LARGE1: variants seen among roughly 807,000 people sequenced by gnomAD.
LARGE1 encodes the protein xylosyl- and glucuronyltransferase LARGE1.
A neutral mutation model predicts 87.6 loss-of-function variants in LARGE1; 43 were observed. The observed-to-expected ratio is 0.49, with a 90% CI of 0.38 to 0.63. The LOEUF (loss-of-function observed/expected upper bound fraction) is 0.63, where lower values mean the gene tolerates loss of function less well. Among genes scored for constraint, LARGE1 ranks in the 30% least tolerant of loss-of-function variants. The pLI is 0.00. For synonymous variants in LARGE1, 434 were observed against 394.6 expected (o/e 1.10, Z -1.18); for missense variants, 802 against 1,000.2 (o/e 0.80, Z 2.67).
chr22:33,656,150 C>G (rs1043404448), intron 2 of LARGE1, among the ~76,000 whole-genome samples: 1 of 151,954 alleles, frequency 6.6e-6, no homozygotes, highest in Admixed American at 6.6e-5. Flanking sequence ...TCAATTTTCA[C>G]GCTGCTGATA....
chr22:33,364,412 C>G (rs986977657), intron 9 of LARGE1, among the ~76,000 whole-genome samples: 1 of 152,108 alleles, frequency 6.6e-6, no homozygotes, highest in Non-Finnish European at 1.5e-5. Context: ...AATCCCGTTC[C>G]GCGTTTACGA....
intron 1 of LARGE1, among the ~76,000 whole-genome samples, chr22:33,852,743 C>A (rs898920259): frequency 2.7e-5 from 4 of 150,134 alleles, no homozygotes; most frequent in African/African-American, 9.8e-5. Context: ...GTAGTCCCAG[C>A]TACTTGGGAG....
At chr22:33,459,166 CT>C (rs2068261129) in intron 6 of LARGE1, among the ~76,000 whole-genome samples, 1 of 152,136 alleles carries the variant, frequency 6.6e-6, no homozygotes, top group Non-Finnish European at 1.5e-5. Flanking sequence ...TGTTATTCCC[CT>C]CTCTGTGTCT....
chr22:33,842,213 T>C (rs1042322084), intron 1 of LARGE1, among the ~76,000 whole-genome samples: 8 of 152,186 alleles, frequency 5.3e-5, no homozygotes, highest in Non-Finnish European at 8.8e-5. Flanking sequence ...CCGAATCCTA[T>C]TTATTAAGTG....
chr22:33,197,167 A>G (rs913244362), intron 11 of LARGE1, among the ~76,000 whole-genome samples: 1 of 150,142 alleles, frequency 6.7e-6, no homozygotes, highest in Non-Finnish European at 1.5e-5. Context: ...AAGAGCTACA[A>G]AAATCCCACT....
At chr22:33,841,042 G>C (rs1489531132) in intron 1 of LARGE1, among the ~76,000 whole-genome samples, 3 of 152,180 alleles carry the variant, frequency 2.0e-5, no homozygotes, top group Non-Finnish European at 4.4e-5. Flanking sequence ...CCTAGGCTTA[G>C]GTTGCATGAT....
chr22:33,275,290 G>A (rs1929010165), intron 14 of LARGE1, among the ~76,000 whole-genome samples: 1 of 152,180 alleles, frequency 6.6e-6, no homozygotes, highest in African/African-American at 2.4e-5. Context: ...GCCAAAACAG[G>A]TGACCCAGAT....
At chr22:33,448,280 G>C (rs1332874186) in intron 6 of LARGE1, among the ~76,000 whole-genome samples, 1 of 152,174 alleles carries the variant, frequency 6.6e-6, no homozygotes, top group Non-Finnish European at 1.5e-5. Context: ...AGAAAATTAT[G>C]ATGAGGGTAA....
chr22:33,156,192 C>G, the LARGE1 span, among the ~76,000 whole-genome samples: 521 of 152,288 alleles, frequency 3.4e-3, 2 homozygotes, highest in Non-Finnish European at 5.5e-3. Context: ...TATTGGGGCA[C>G]TGCCTAGTGG....
the LARGE1 span, among the ~76,000 whole-genome samples, chr22:33,119,509 A>G: frequency 7.6e-4 from 116 of 152,058 alleles, 1 homozygote; most frequent in East Asian, 0.01. Flanking sequence ...GGGTGGCGGC[A>G]TGGGGTGGCT....
chr22:33,539,685 G>A (rs962680227), intron 6 of LARGE1, among the ~76,000 whole-genome samples: 2 of 151,326 alleles, frequency 1.3e-5, no homozygotes, highest in South Asian at 4.2e-4. Flanking sequence ...AAATTTTCCA[G>A]GTTCAGGTGA....
At chr22:33,631,241 C>A (rs897502613) in intron 3 of LARGE1, among the ~76,000 whole-genome samples, 7 of 151,940 alleles carry the variant, frequency 4.6e-5, no homozygotes, top group African/African-American at 1.7e-4. Context: ...GATCACAGAA[C>A]ACGACAGCCT....
chr22:33,671,808 C>T (rs2081422379), intron 2 of LARGE1, among the ~76,000 whole-genome samples: 1 of 152,118 alleles, frequency 6.6e-6, no homozygotes, highest in Non-Finnish European at 1.5e-5. Context: ...TCAAGGTCAT[C>T]GCCAAGGTCT....
chr22:33,628,152 A>G (rs2079985462), intron 3 of LARGE1, among the ~76,000 whole-genome samples: 1 of 152,190 alleles, frequency 6.6e-6, no homozygotes, highest in African/African-American at 2.4e-5. Flanking sequence ...CATGAAAGCT[A>G]GTATGTAGTG....
intron 11 of LARGE1, among the ~76,000 whole-genome samples, chr22:33,253,315 C>T (rs991963757): frequency 1.3e-5 from 2 of 152,144 alleles, no homozygotes; most frequent in South Asian, 4.1e-4. Flanking sequence ...CCTTGTTTTT[C>T]CCCCAGGCCC....
chr22:33,654,662 G>A (rs757075830), intron 2 of LARGE1, among the ~76,000 whole-genome samples: 22 of 152,102 alleles, frequency 1.4e-4, no homozygotes, highest in Non-Finnish European at 1.9e-4. Context: ...TCTCTGTTAC[G>A]TTTTACAGGC....
chr22:33,444,110 T>C (rs2067597121), intron 6 of LARGE1, among the ~76,000 whole-genome samples: 1 of 152,274 alleles, frequency 6.6e-6, no homozygotes, highest in East Asian at 1.9e-4. Flanking sequence ...GGTTGTAGAA[T>C]AAGCACTTCT....
chr22:33,399,709 C>T (rs570437220), intron 7 of LARGE1, among the ~76,000 whole-genome samples: 9 of 152,188 alleles, frequency 5.9e-5, no homozygotes, highest in South Asian at 2.1e-4. Flanking sequence ...CCACCATGCC[C>T]GGCTAATTTT....
At chr22:33,789,324 T>C (rs2085749272) in intron 1 of LARGE1, among the ~76,000 whole-genome samples, 2 of 152,224 alleles carry the variant, frequency 1.3e-5, no homozygotes, top group South Asian at 4.1e-4. Flanking sequence ...AACCCCTGCC[T>C]GGATTTCACA....
Sources: allele counts gnomAD v4.1 joint callset (sites outside exome capture counted in the v4.1 genomes callset), GRCh38; gene constraint gnomAD v4.1.1; transcripts MANE v1.5; gene names NCBI Gene and HGNC (gene_info 2026-07-23, HGNC 2026-07-21).